The following PLXNA4 variants were observed in gnomAD, a reference collection of about 807,000 sequenced individuals.
PLXNA4 encodes plexin A4.
In PLXNA4, 44 loss-of-function variants were observed where a neutral mutation model predicts 191.8. The observed-to-expected ratio is 0.23, with a 90% CI of 0.18 to 0.29. PLXNA4 has a LOEUF of 0.29. Among genes scored for constraint, PLXNA4 ranks in the 10% least tolerant of loss-of-function variants. The probability of loss-of-function intolerance (pLI) is 1.00; values close to 1 mark genes in which losing one functional copy is unlikely to be tolerated. For synonymous variants in PLXNA4, 1,082 were observed against 1,009.5 expected (o/e 1.07, Z -1.36); for missense variants, 1,800 against 2,488.8 (o/e 0.72, Z 5.89).
rs186863692 is a variant in PLXNA4, at chr7:132,221,998, T to C, written c.2097+1529A>G. On this transcript the variant is annotated intron_variant, in intron 9 of 31. Coordinates refer to ENST00000321063, the MANE Select transcript of PLXNA4 (RefSeq NM_020911.2). ...CAAGAATAAAATGCAATCAAAACAT[T>C]TGAGCTATGTGGAGGCTTCCAAAGG... is the stretch of plus-strand genomic sequence containing the variant. 1.7e-3 allele frequency among the ~76,000 whole-genome samples: 262 copies of C among 152,338 alleles called. 2 individuals carry two copies. Among genetic ancestry groups the C allele is most frequent in the African/African-American group, 6.0e-3 (251 of 41,578 alleles).
chr7:132,226,313 G>T, intron 7 of PLXNA4, 53 bp from the exon 8 acceptor site: 5 of 1,490,300 alleles, frequency 3.4e-6, no homozygotes, highest in Non-Finnish European at 4.7e-6. Context: ...CCAAGCCAGG[G>T]ATTCCCTGAC....
rs1350414019 is a variant in PLXNA4 at position 132,227,585 on chromosome 7, T to C, written c.1748A>G (p.Asn583Ser). The C allele has an allele frequency of 2.5e-6, 4 of 1,614,012 alleles. No individual in the cohort carries two copies. The highest frequency in any genetic ancestry group is 2.2e-5 in the East Asian group (1 of 44,864). ...GACGCCAGCTGACAGCTCCGGGACATTGTACGTCTCCAGGACCAGCTGTGA... is the reference window on the plus strand; with the variant it reads ...GACGCCAGCTGACAGCTCCGGGACACTGTACGTCTCCAGGACCAGCTGTGA... The part of the protein sequence containing the change: ...YNVLLVLETY[N>S]VPELSAGVNC... Residue 583 changes from asparagine (N) to serine (S), a missense_variant, in exon 7 of 32, where the codon AAT (asparagine) becomes AGT (serine). Transcript: ENST00000321063.
chr7:132,435,305 G>A (rs918909902), intron 3 of PLXNA4, among the ~76,000 whole-genome samples: 1 of 152,102 alleles, frequency 6.6e-6, no homozygotes, highest in African/African-American at 2.4e-5. Flanking sequence ...AAGGTGGGGA[G>A]GGGGGAGAGA....
chr7:132,227,309 A>G (rs138326028), intron 7 of PLXNA4, 142 bp downstream of exon 7: 12,991 of 1,162,360 alleles, frequency 0.011, 115 homozygotes, highest in Middle Eastern at 0.02. Flanking sequence ...CCCTCTTCCC[A>G]TAACACACCC....
At chr7:132,596,290 G>A (rs887020207) in intron 2 of PLXNA4, among the ~76,000 whole-genome samples, 1 of 152,216 alleles carries the variant, frequency 6.6e-6, no homozygotes, top group Non-Finnish European at 1.5e-5. Context: ...CTGAGTGTGG[G>A]CTGAGATTAA....
chr7:132,441,072 C>T (rs1795681772), intron 3 of PLXNA4, among the ~76,000 whole-genome samples: 2 of 152,150 alleles, frequency 1.3e-5, no homozygotes, highest in African/African-American at 2.4e-5. Flanking sequence ...GACTCAGCTT[C>T]CTCAAATATA....
intron 3 of PLXNA4, among the ~76,000 whole-genome samples, chr7:132,340,720 C>T (rs934764345): frequency 1.3e-5 from 2 of 152,236 alleles, no homozygotes; most frequent in African/African-American, 2.4e-5. Flanking sequence ...TTCTCATGCC[C>T]AGGCTAGAGT....
At chr7:132,229,732 ATGGGGAGGGAGCCT>A (rs941743251) in intron 5 of PLXNA4, among the ~76,000 whole-genome samples, 6 of 152,100 alleles carry the variant, frequency 3.9e-5, no homozygotes, top group South Asian at 2.1e-4. Context: ...GGGAATCTAC[ATGGGGAGGGAGCCT>A]TGGGGAGGGA....
intron 29 of PLXNA4, among the ~76,000 whole-genome samples, chr7:132,144,161 A>T (rs1795354141): frequency 6.6e-6 from 1 of 152,180 alleles, no homozygotes. Context: ...CTGGGGAAGA[A>T]GATCTGGAAA....
Position 132,123,776 on chromosome 7 carries a change from C to T in PLXNA4, c.*6703G>A, listed in dbSNP as rs1424551462. The T allele has an allele frequency of 1.3e-5, 2 of 152,168 alleles. No individual in the cohort carries two copies. The highest frequency in any genetic ancestry group is 2.9e-5 in the Non-Finnish European group (2 of 68,038). The allele number at this position is 152,168 out of a possible 1,614,324, so 9.4% of individuals were successfully genotyped here. A position where few individuals can be genotyped will look rare whatever the true frequency, so the allele number is the denominator to read the frequency against. On this transcript the variant is annotated 3_prime_UTR_variant, in exon 32 of 32. Transcript: ENST00000321063. Reference sequence around the variant, plus strand: ...GAACAGAGATAACCTGCCCTACCTCCTTCAACGGCTTCTCTATGTGACTCA... The same window carrying T: ...GAACAGAGATAACCTGCCCTACCTCTTTCAACGGCTTCTCTATGTGACTCA...
At chr7:132,575,652 G>A (rs897800163) in intron 1 of PLXNA4, among the ~76,000 whole-genome samples, 2 of 152,196 alleles carry the variant, frequency 1.3e-5, no homozygotes, top group Non-Finnish European at 2.9e-5. Context: ...CACTGAGGCT[G>A]TGAATAAGGT....
At position 132,507,492 on chromosome 7, in the gene PLXNA4, C is replaced by T. The variant is rs774670874; in HGVS notation, c.1188+14G>A. On this transcript the variant is annotated intron_variant, in intron 2 of 31. Coordinates refer to ENST00000321063, the MANE Select transcript of PLXNA4 (RefSeq NM_020911.2). ...CTCCCAACCATCCCAGCGCGCAGCCCTCCCTGTACTCACCGCACTGCTGCA... is the reference window on the plus strand; with the variant it reads ...CTCCCAACCATCCCAGCGCGCAGCCTTCCCTGTACTCACCGCACTGCTGCA... 6 of 1,597,492 alleles carry T rather than the reference C, an allele frequency of 3.8e-6. No homozygotes were observed. Among genetic ancestry groups the T allele is most frequent in the Admixed American group, 3.4e-5 (2 of 59,056 alleles).
At chr7:132,417,163 G>A (rs940887666) in intron 3 of PLXNA4, among the ~76,000 whole-genome samples, 4 of 152,128 alleles carry the variant, frequency 2.6e-5, no homozygotes, top group African/African-American at 7.2e-5. Flanking sequence ...ACCTCTTTGC[G>A]TGAGGCCAAT....
At chr7:132,241,568 G>A (rs1798881400) in intron 4 of PLXNA4, among the ~76,000 whole-genome samples, 1 of 152,082 alleles carries the variant, frequency 6.6e-6, no homozygotes, top group African/African-American at 2.4e-5. Context: ...ACTCTCTCAT[G>A]GTTTCTCTTT....
rs149455447 is a variant in PLXNA4, at chr7:132,351,834, T to C, written c.1372-53612A>G. Among the ~76,000 whole-genome samples, 376 of 152,008 alleles carry C rather than the reference T, an allele frequency of 2.5e-3. 1 individual carries two copies. The highest frequency in any genetic ancestry group is 8.9e-3 in the African/African-American group (368 of 41,410). On this transcript the variant is annotated intron_variant, in intron 3 of 31. Coordinates refer to ENST00000321063, the MANE Select transcript of PLXNA4 (RefSeq NM_020911.2). ...GCTCACTCCTGCCTCTCTTGGTCATTCCACAGAGTTCCAGAGAAAGAGATA... is the reference window on the plus strand; with the variant it reads ...GCTCACTCCTGCCTCTCTTGGTCATCCCACAGAGTTCCAGAGAAAGAGATA...
In PLXNA4 at chr7:132,487,416, G is replaced by A. The variant is rs1049644060; in HGVS notation, c.1371+1876C>T. Among the ~76,000 whole-genome samples, 3 of 152,174 alleles carry A rather than the reference G, an allele frequency of 2.0e-5. No homozygotes were observed. The South Asian group carries it at 6.2e-4, about 31-fold the overall frequency. On this transcript the variant is annotated intron_variant, in intron 3 of 31. Coordinates refer to ENST00000321063, the MANE Select transcript of PLXNA4 (RefSeq NM_020911.2). ...GGTGCTCATTCACCCATTGCAGCAGGTGAAGCAGGTCTCAGTGCATGAATT... is the reference window on the plus strand; with the variant it reads ...GGTGCTCATTCACCCATTGCAGCAGATGAAGCAGGTCTCAGTGCATGAATT...
intron 3 of PLXNA4, among the ~76,000 whole-genome samples, chr7:132,388,371 A>C (rs1276153901): frequency 6.6e-6 from 1 of 152,090 alleles, no homozygotes; most frequent in African/African-American, 2.4e-5. Context: ...ATCTTGCCCA[A>C]AGTCACCCAG....
chr7:132,406,502 C>T (rs1563081284), intron 3 of PLXNA4, among the ~76,000 whole-genome samples: 1 of 152,174 alleles, frequency 6.6e-6, no homozygotes. Context: ...GCCTCCTGAC[C>T]ACATGAATGA....
At chr7:132,215,593 T>G (rs1291493404) in intron 9 of PLXNA4, among the ~76,000 whole-genome samples, 1 of 152,072 alleles carries the variant, frequency 6.6e-6, no homozygotes, top group Non-Finnish European at 1.5e-5. Context: ...GGGGGTATGT[T>G]GCCAGAGGAT....
Sources: allele counts gnomAD v4.1 joint callset (sites outside exome capture counted in the v4.1 genomes callset), GRCh38; gene constraint gnomAD v4.1.1; transcripts MANE v1.5; gene names NCBI Gene and HGNC (gene_info 2026-07-23, HGNC 2026-07-21).